GRIK1: variants seen among roughly 807,000 people sequenced by gnomAD.
The protein encoded by GRIK1 is glutamate ionotropic receptor kainate type subunit 1, also known as glutamate receptor ionotropic, kainate 1.
In GRIK1, 69 loss-of-function variants were observed where a neutral mutation model predicts 105.7. The ratio of observed to expected loss-of-function variants is 0.65; its 90% CI spans 0.54 to 0.80. The LOEUF is 0.80. Among genes scored for constraint, GRIK1 ranks in the 30% least tolerant of loss-of-function variants. The pLI is 0.00. For missense variants in GRIK1, 1,109 were observed against 1,167.3 expected, an observed-to-expected ratio of 0.95 and a Z score of 0.73; for synonymous variants, 438 against 431.3, an observed-to-expected ratio of 1.02 and a Z score of -0.19.
intron 1 of GRIK1, among the ~76,000 whole-genome samples, chr21:29,913,985 C>T (rs2070908772): frequency 6.6e-6 from 1 of 151,960 alleles, no homozygotes; most frequent in Non-Finnish European, 1.5e-5. Flanking sequence ...TTTGTTCTGG[C>T]ACACTGTGTC....
intron 1 of GRIK1, among the ~76,000 whole-genome samples, chr21:29,721,360 A>G (rs924757208): frequency 6.6e-6 from 1 of 152,136 alleles, no homozygotes; most frequent in South Asian, 2.1e-4. Flanking sequence ...AACATTGTGG[A>G]TGAAAAGGGC....
At chr21:29,557,470 C>T (rs181600539) in intron 15 of GRIK1, among the ~76,000 whole-genome samples, 6 of 152,238 alleles carry the variant, frequency 3.9e-5, no homozygotes, top group Non-Finnish European at 4.4e-5. Context: ...GTTGTTTTCA[C>T]GACAGTGTTC....
chr21:29,616,193 A>G (rs1395500938), intron 7 of GRIK1, among the ~76,000 whole-genome samples: 3 of 152,184 alleles, frequency 2.0e-5, no homozygotes, highest in Non-Finnish European at 4.4e-5. Context: ...TCTAACATGG[A>G]ACAAAGTCTC....
intron 1 of GRIK1, among the ~76,000 whole-genome samples, chr21:29,893,318 G>A (rs1262687962): frequency 1.3e-5 from 2 of 152,118 alleles, no homozygotes; most frequent in Non-Finnish European, 2.9e-5. Context: ...CTACAAAATA[G>A]AGATAAGTAT....
chr21:29,777,611 T>G (rs2065980084), intron 1 of GRIK1, among the ~76,000 whole-genome samples: 1 of 152,094 alleles, frequency 6.6e-6, no homozygotes, highest in African/African-American at 2.4e-5. Flanking sequence ...ATAGGTGAGG[T>G]GGCAAGCAGG....
chr21:29,909,199 C>A (rs559341369), intron 1 of GRIK1, among the ~76,000 whole-genome samples: 1 of 151,864 alleles, frequency 6.6e-6, no homozygotes, highest in Non-Finnish European at 1.5e-5. Context: ...CAGAAAATGG[C>A]AAATATAATA....
At chr21:29,840,336 T>A (rs1164124533) in intron 1 of GRIK1, among the ~76,000 whole-genome samples, 2 of 152,230 alleles carry the variant, frequency 1.3e-5, no homozygotes, top group African/African-American at 4.8e-5. Flanking sequence ...GTCTTGCAGA[T>A]TATTCTAAAA....
At chr21:29,565,959 G>C (rs1384628249) in intron 14 of GRIK1, among the ~76,000 whole-genome samples, 2 of 152,206 alleles carry the variant, frequency 1.3e-5, no homozygotes, top group Non-Finnish European at 2.9e-5. Context: ...CTTTACTGCA[G>C]AGTTCTGTCC....
At chr21:29,719,289 C>G (rs577204356) in intron 1 of GRIK1, among the ~76,000 whole-genome samples, 1 of 151,308 alleles carries the variant, frequency 6.6e-6, no homozygotes, top group South Asian at 2.1e-4. Context: ...TGATAGTATA[C>G]TTTACAAATT....
chr21:29,554,141 C>G (rs566883554), intron 16 of GRIK1, among the ~76,000 whole-genome samples: 1 of 151,884 alleles, frequency 6.6e-6, no homozygotes, highest in Non-Finnish European at 1.5e-5. Context: ...GGGTCCAGTG[C>G]GAAATGAAAA....
At chr21:29,850,838 A>G (rs2068281150) in intron 1 of GRIK1, among the ~76,000 whole-genome samples, 1 of 151,870 alleles carries the variant, frequency 6.6e-6, no homozygotes, top group South Asian at 2.1e-4. Flanking sequence ...CTAACAAGTA[A>G]CAATGTTTGT....
chr21:29,689,484 T>C (rs1251654614), intron 3 of GRIK1, among the ~76,000 whole-genome samples: 2 of 152,204 alleles, frequency 1.3e-5, no homozygotes, highest in South Asian at 2.1e-4. Flanking sequence ...GATAAGATGA[T>C]ATTTCTTTTA....
At chr21:29,775,596 GA>G (rs2065923754) in intron 1 of GRIK1, among the ~76,000 whole-genome samples, 1 of 151,932 alleles carries the variant, frequency 6.6e-6, no homozygotes, top group South Asian at 2.1e-4. Flanking sequence ...AACCAGAAAG[GA>G]AAAAAAGGGC....
At chr21:29,804,382 A>G (rs923320405) in intron 1 of GRIK1, among the ~76,000 whole-genome samples, 1 of 152,060 alleles carries the variant, frequency 6.6e-6, no homozygotes, top group East Asian at 1.9e-4. Context: ...CCTAAGAAAG[A>G]TTTGTGTGCT....
intron 1 of GRIK1, among the ~76,000 whole-genome samples, chr21:29,903,701 A>G (rs2070498036): frequency 6.6e-6 from 1 of 152,222 alleles, no homozygotes; most frequent in South Asian, 2.1e-4. Context: ...AAATTAGTTC[A>G]ACCATTGTGG....
At chr21:29,577,538 A>C (rs2090924331) in intron 13 of GRIK1, among the ~76,000 whole-genome samples, 1 of 152,180 alleles carries the variant, frequency 6.6e-6, no homozygotes, top group Non-Finnish European at 1.5e-5. Context: ...TGTGAAGTAA[A>C]ATATTCTGCG....
intron 15 of GRIK1, among the ~76,000 whole-genome samples, chr21:29,558,416 A>G (rs2090311977): frequency 6.6e-6 from 1 of 150,764 alleles, no homozygotes; most frequent in South Asian, 2.1e-4. Context: ...CTGAATAGCA[A>G]CTAATCTTTT....
At chr21:29,579,928 T>C (rs1380635245) in intron 13 of GRIK1, among the ~76,000 whole-genome samples, 2 of 151,010 alleles carry the variant, frequency 1.3e-5, no homozygotes, top group Non-Finnish European at 2.9e-5. Context: ...GCTGCATGCA[T>C]GCTCTGTGAA....
chr21:29,683,382 C>T (rs1200837943), intron 3 of GRIK1, among the ~76,000 whole-genome samples: 1 of 152,214 alleles, frequency 6.6e-6, no homozygotes, highest in African/African-American at 2.4e-5. Context: ...CCTAGATGCC[C>T]ATCAGTGGTG....
Sources: allele counts gnomAD v4.1 joint callset (sites outside exome capture counted in the v4.1 genomes callset), GRCh38; gene constraint gnomAD v4.1.1; transcripts MANE v1.5; gene names NCBI Gene and HGNC (gene_info 2026-07-23, HGNC 2026-07-21).